CLMN: variants seen among roughly 807,000 people sequenced by gnomAD.
CLMN encodes the protein calmin, also known as calmin (calponin-like, transmembrane).
A neutral mutation model predicts 92.7 loss-of-function variants in CLMN; 57 were observed. The ratio of observed to expected loss-of-function variants is 0.61; its 90% CI spans 0.50 to 0.77. The LOEUF is 0.77. Among genes scored for constraint, CLMN ranks in the 30% least tolerant of loss-of-function variants. The pLI is 0.00. For missense variants in CLMN, 1,158 were observed against 1,237.5 expected, an observed-to-expected ratio of 0.94 and a Z score of 0.96; for synonymous variants, 466 against 470.6, an observed-to-expected ratio of 0.99 and a Z score of 0.13.
Position 95,221,777 on chromosome 14 carries a change from A to G in CLMN, c.241-3T>C. On this transcript the variant is annotated splice_region_variant and splice_polypyrimidine_tract_variant and intron_variant, in intron 3 of 12. Transcript: ENST00000298912. The stretch of plus-strand genomic sequence containing the variant: ...GACGAGGATTTGTATTCGTGCAGCT[A>G]TAAAACAGAACAGAACAAAACAAGC... 4 of 1,614,122 alleles carry G rather than the reference A, an allele frequency of 2.5e-6. No homozygotes were observed. The highest frequency in any genetic ancestry group is 3.4e-6 in the Non-Finnish European group (4 of 1,179,958).
intron 1 of CLMN, among the ~76,000 whole-genome samples, chr14:95,271,902 T>C (rs964758106): frequency 6.6e-6 from 1 of 152,256 alleles, no homozygotes; most frequent in African/African-American, 2.4e-5. Context: ...TTCATCTACA[T>C]GGAATCACAC....
In CLMN at chr14:95,268,476, TTGAAGTTGCTGGGGGTAGTGAC is replaced by T. The variant is rs1204924479; in HGVS notation, c.83-38365_83-38344del. ...AGAATTCTAGAGTTGGAAACTGGAT[TTGAAGTTGCTGGGGGTAGTGAC>T]TGAGAAGGAAGGGTGGGGGCATGAC... On this transcript the variant is annotated intron_variant, in intron 1 of 12. Transcript: ENST00000298912. 7.9e-5 allele frequency among the ~76,000 whole-genome samples: 12 copies of T among 152,022 alleles called. No homozygotes were observed. The East Asian group carries it at 2.3e-3, about 29-fold the overall frequency.
intron 3 of CLMN, chr14:95,222,421 G>A: frequency 2.7e-6 from 1 of 376,836 alleles, no homozygotes; most frequent in South Asian, 2.0e-5. Flanking sequence ...GAAGCACACT[G>A]ACGCTCCTCC....
intron 1 of CLMN, among the ~76,000 whole-genome samples, chr14:95,286,242 A>T (rs1293388925): frequency 1.3e-5 from 2 of 152,248 alleles, no homozygotes; most frequent in African/African-American, 2.4e-5. Context: ...TAAGTCCTAG[A>T]CAATGAGGTG....
At chr14:95,244,846 G>A (rs570338707) in intron 1 of CLMN, among the ~76,000 whole-genome samples, 1 of 151,690 alleles carries the variant, frequency 6.6e-6, no homozygotes, top group Non-Finnish European at 1.5e-5. Context: ...CTTCCAATGG[G>A]GGCTGCTGCA....
At chr14:95,282,658 G>C (rs547362252) in intron 1 of CLMN, among the ~76,000 whole-genome samples, 1 of 152,318 alleles carries the variant, frequency 6.6e-6, no homozygotes, top group South Asian at 2.1e-4. Flanking sequence ...CAAGGACAAA[G>C]AGTCAAGGAC....
chr14:95,200,911 C>T lies in CLMN; in HGVS notation c.2511+1927G>A, dbSNP rs938472765. Among the ~76,000 whole-genome samples the T allele has an allele frequency of 7.3e-5, 11 of 150,384 alleles. No homozygotes were observed. In the Admixed American group the frequency reaches 7.4e-4, roughly 10 times the overall value. ...AGAACAGGCTAGTGTTCACTAAGTG[C>T]ATGCTAGATGTTAGCTACGATGACT... On this transcript the variant is annotated intron_variant, in intron 9 of 12. Transcript: ENST00000298912.
At chr14:95,231,542 C>T (rs1412569438) in intron 1 of CLMN, among the ~76,000 whole-genome samples, 1 of 152,192 alleles carries the variant, frequency 6.6e-6, no homozygotes, top group Non-Finnish European at 1.5e-5. Flanking sequence ...CCTCAGCACC[C>T]TGTCCATGGA....
At chr14:95,260,536 A>T (rs1348944308) in intron 1 of CLMN, 1 of 152,220 alleles carries the variant, frequency 6.6e-6, no homozygotes, top group Non-Finnish European at 1.5e-5. Flanking sequence ...CTATGAGTGG[A>T]GACGTTATCT....
chr14:95,264,324 T>C (rs563277672), intron 1 of CLMN, among the ~76,000 whole-genome samples: 19 of 152,304 alleles, frequency 1.2e-4, no homozygotes, highest in Middle Eastern at 3.4e-3. Flanking sequence ...CATGAGCCAC[T>C]GTGCCGGACC....
chr14:95,235,794 C>A (rs1898032800), intron 1 of CLMN, among the ~76,000 whole-genome samples: 1 of 152,138 alleles, frequency 6.6e-6, no homozygotes, highest in African/African-American at 2.4e-5. Flanking sequence ...TTCCAGCTTC[C>A]GAGACGCTGC....
chr14:95,206,598 A>G (rs1409200012), intron 8 of CLMN, among the ~76,000 whole-genome samples: 1 of 152,256 alleles, frequency 6.6e-6, no homozygotes, highest in Non-Finnish European at 1.5e-5. Flanking sequence ...ATTGTTAAGA[A>G]CAGTTCACTG....
chr14:95,271,386 C>T (rs1899703712), intron 1 of CLMN, among the ~76,000 whole-genome samples: 3 of 152,170 alleles, frequency 2.0e-5, no homozygotes, highest in Admixed American at 6.5e-5. Context: ...CCGTGTTCTC[C>T]CGACCTGTCT....
chr14:95,230,070 AC>A lies in CLMN; in HGVS notation c.144+1del. ...TTAGCAAACACCCAAGTGCGCCATT[AC>A]CTTTTCTAGATGTAGATTTATCCAT... is the stretch of plus-strand genomic sequence containing the variant. On this transcript the variant is annotated splice_donor_variant, in intron 2 of 12. Transcript: ENST00000298912. LOFTEE classifies it high-confidence loss of function. 6.2e-7 allele frequency: 1 copy of A among 1,614,090 alleles called. No homozygotes were observed. The highest frequency in any genetic ancestry group is 1.3e-5 in the African/African-American group (1 of 75,046).
chr14:95,299,636 C>A (rs1404425876), intron 1 of CLMN, among the ~76,000 whole-genome samples: 2 of 152,136 alleles, frequency 1.3e-5, no homozygotes, highest in East Asian at 1.9e-4. Flanking sequence ...TTGGAAGAGA[C>A]CCTGCTACAA....
Position 95,203,676 on chromosome 14 carries a change from G to A in CLMN, c.1673C>T (p.Ala558Val). The A allele has an allele frequency of 1.2e-6, 2 of 1,614,148 alleles. No homozygotes were observed. The highest frequency in any genetic ancestry group is 1.1e-5 in the South Asian group (1 of 91,082). Residue 558 changes from alanine to valine, a missense_variant, in exon 9 of 13, where the codon GCC (alanine) becomes GTC (valine). Ala to Val is a moderately conservative substitution (Grantham distance 64). Coordinates refer to ENST00000298912, the MANE Select transcript of CLMN (RefSeq NM_024734.4). Reference sequence around the variant, plus strand: ...AAATTTTGAGGCTTTTAATGGGATGGCTTCAAAATAGTCTCCCTCCTCTAA... The same window carrying A: ...AAATTTTGAGGCTTTTAATGGGATGACTTCAAAATAGTCTCCCTCCTCTAA... The part of the protein sequence containing the change: ...EALEEGDYFE[A>V]IPLKASKFNS...
Position 95,271,951 on chromosome 14 carries a change from A to G in CLMN, c.83-41818T>C, listed in dbSNP as rs142820736. ...CGGTTTTGTTCCATTAACAATTTTG[A>G]GACTCATCTGTGTTACTGTATTAAC... On this transcript the variant is annotated intron_variant, in intron 1 of 12. Transcript: ENST00000298912. 2.8e-3 allele frequency among the ~76,000 whole-genome samples: 421 copies of G among 152,338 alleles called. 3 individuals are homozygous for G. Among genetic ancestry groups the G allele is most frequent in the African/African-American group, 9.9e-3 (413 of 41,576 alleles).
At chr14:95,296,814 G>C (rs1446488094) in intron 1 of CLMN, among the ~76,000 whole-genome samples, 1 of 152,228 alleles carries the variant, frequency 6.6e-6, no homozygotes, top group Non-Finnish European at 1.5e-5. Flanking sequence ...GCTTGAACAG[G>C]AATGTGTTTT....
rs60112171 is a variant in CLMN at position 95,191,421 on chromosome 14, A to AC, written c.*142dup. 0.13 allele frequency: 64,448 copies of AC among 479,898 alleles called. 3,028 individuals are homozygous for AC. Among genetic ancestry groups the AC allele is most frequent in the Middle Eastern group, 0.18 (299 of 1,680 alleles). The allele number at this position is 479,898 out of a possible 1,614,324, so 29.7% of individuals were successfully genotyped here. A position where few individuals can be genotyped will look rare whatever the true frequency, so the allele number is the denominator to read the frequency against. ...AAGGAAACCTGAAAAAAAAAAAAAA[A>AC]CCACAATAGCGAGAAAGGGGGTCTA... is the stretch of plus-strand genomic sequence containing the variant. On this transcript the variant is annotated 3_prime_UTR_variant, in exon 13 of 13. Transcript: ENST00000298912. The surrounding 1 kb of genome is among the most constrained non-coding windows in gnomAD (Gnocchi z 5.3).
Sources: gnomAD v4.1 joint callset for allele counts (sites outside exome capture counted in the v4.1 genomes callset) on GRCh38, gnomAD v4.1.1 for gene constraint, Gnocchi (gnomAD v3.1) non-coding constraint, MANE v1.5 for transcripts, NCBI Gene and HGNC (gene_info 2026-07-23, HGNC 2026-07-21) for gene names.